PREP: variants seen among roughly 807,000 people sequenced by gnomAD.
PREP encodes the protein dJ355L5.1 (prolyl endopeptidase).
A neutral mutation model predicts 87.6 loss-of-function variants in PREP; 29 were observed. The observed-to-expected ratio is 0.33, with a 90% CI of 0.25 to 0.45. PREP has a LOEUF of 0.45. PREP is among the 20% of genes least tolerant of loss of function. The pLI, the probability that PREP is intolerant of heterozygous loss-of-function variation, is 1.00. For missense variants in PREP, 695 were observed against 886.5 expected (o/e 0.78, Z 2.74); for synonymous variants, 337 against 328.6 (o/e 1.03, Z -0.28).
intron 5 of PREP, among the ~76,000 whole-genome samples, chr6:105,371,957 G>A (rs1218150782): frequency 3.9e-5 from 6 of 152,050 alleles, no homozygotes; most frequent in Non-Finnish European, 7.4e-5. Flanking sequence ...TTGTTTCCCA[G>A]AAGGTGGAAA....
rs1298072176 is a variant in PREP, at chr6:105,328,971, G to A, written c.1071C>T (p.Val357=). ...NFLVLCYLHD[V]KNILQLHDLT... is the part of the protein sequence containing the mutation. ...GGTCATGGAGCTGCAGAATGTTCTT[G>A]ACGTCATGGAGGTAGCATAAGACCA... The change falls in exon 9 of 15, where the codon GTC becomes GTT. Residue 357 remains valine (V), a synonymous_variant. Transcript: ENST00000652536. 3.7e-6 allele frequency: 6 copies of A among 1,614,158 alleles called. No homozygotes were observed. In the South Asian group the frequency reaches 5.5e-5, roughly 15 times the overall value.
intron 4 of PREP, among the ~76,000 whole-genome samples, 157 bp downstream of exon 4, chr6:105,375,968 C>T (rs893662118): frequency 6.6e-6 from 1 of 152,174 alleles, no homozygotes; most frequent in Admixed American, 6.5e-5. Flanking sequence ...TCTAAATATA[C>T]TGTGCAAAAA....
intron 7 of PREP, among the ~76,000 whole-genome samples, chr6:105,334,733 A>G (rs1421705746): frequency 6.6e-6 from 1 of 151,932 alleles, no homozygotes; most frequent in East Asian, 1.9e-4. Context: ...CAACAACAAC[A>G]ACAACAGAGA....
chr6:105,336,756 C>T (rs566682668), intron 7 of PREP, among the ~76,000 whole-genome samples: 7 of 152,256 alleles, frequency 4.6e-5, no homozygotes, highest in Admixed American at 6.5e-5. Context: ...AAATGGTTTG[C>T]CTCAATCTGT....
chr6:105,280,557 G>C (rs2114609661), intron 14 of PREP: 1 of 152,212 alleles, frequency 6.6e-6, no homozygotes, highest in Non-Finnish European at 1.5e-5. Flanking sequence ...AACATATGTA[G>C]CTATATTGAG....
At chr6:105,356,779 C>T (rs1198551341) in intron 6 of PREP, among the ~76,000 whole-genome samples, 2 of 152,194 alleles carry the variant, frequency 1.3e-5, no homozygotes, top group Non-Finnish European at 2.9e-5. Context: ...CTGTGTACAG[C>T]AGGAGGACTA....
intron 2 of PREP, among the ~76,000 whole-genome samples, chr6:105,396,155 T>C (rs530165258): frequency 6.6e-6 from 1 of 152,290 alleles, no homozygotes; most frequent in African/African-American, 2.4e-5. Flanking sequence ...GAAAGAAAAA[T>C]TAAACCCCAA....
At chr6:105,349,189 G>A (rs927434669) in intron 7 of PREP, among the ~76,000 whole-genome samples, 3 of 152,186 alleles carry the variant, frequency 2.0e-5, no homozygotes, top group Non-Finnish European at 4.4e-5. Flanking sequence ...ACTGGGTAAA[G>A]GATGTGATCC....
chr6:105,332,080 G>T (rs7757398), intron 8 of PREP, among the ~76,000 whole-genome samples: 4,254 of 152,202 alleles, frequency 0.028, 216 homozygotes, highest in African/African-American at 0.097. Context: ...GTTGTCTTGG[G>T]TCCTGTCCAA....
At chr6:105,364,050 A>G (rs1772320357) in intron 6 of PREP, among the ~76,000 whole-genome samples, 1 of 152,198 alleles carries the variant, frequency 6.6e-6, no homozygotes, top group South Asian at 2.1e-4. Flanking sequence ...GCAAAACTCC[A>G]GTTTCTCTTG....
chr6:105,295,025 G>A (rs985899900), intron 10 of PREP, among the ~76,000 whole-genome samples: 1 of 152,100 alleles, frequency 6.6e-6, no homozygotes, highest in African/African-American at 2.4e-5. Context: ...TCCGGAAATG[G>A]CAACTTGCTT....
rs538204198 is a variant in PREP at position 105,311,923 on chromosome 6, T to C, written c.1317+11742A>G. On this transcript the variant is annotated intron_variant, in intron 10 of 14. Coordinates refer to ENST00000652536, the MANE Select transcript of PREP (RefSeq NM_002726.5). ...TCTTATTTCTAAGGATTCTGAGCAA[T>C]GGTGTCAAAGCATTTCCAAACACAA... Among the ~76,000 whole-genome samples, 28 of 152,326 alleles carry C rather than the reference T, an allele frequency of 1.8e-4. 1 individual carries two copies. Among genetic ancestry groups the C allele is most frequent in the Middle Eastern group, 3.4e-3 (1 of 294 alleles).
At chr6:105,334,711 T>TAA (rs1321354337) in intron 7 of PREP, among the ~76,000 whole-genome samples, 1 of 103,468 alleles carries the variant, frequency 9.7e-6, no homozygotes, top group Admixed American at 8.6e-5. Flanking sequence ...TGAGACTCTG[T>TAA]CTCAACAACA....
Position 105,352,979 on chromosome 6 carries a change from G to A in PREP, c.816C>T (p.Gly272=). ...TCTGAAAAAATAACTCACCCGCGATGCCACTGGATTCCTGCTGTAGGTCAC... is the reference window on the plus strand; with the variant it reads ...TCTGAAAAAATAACTCACCCGCGATACCACTGGATTCCTGCTGTAGGTCAC... ...WYCDLQQESS[G]IAGILKWVKL... The change falls in exon 7 of 15, where the codon GGC becomes GGT. Residue 272 remains glycine, a synonymous_variant. Coordinates refer to ENST00000652536, the MANE Select transcript of PREP (RefSeq NM_002726.5). The A allele has an allele frequency of 6.2e-7, 1 of 1,611,958 alleles. No individual in the cohort carries two copies. The highest frequency in any genetic ancestry group is 8.5e-7 in the Non-Finnish European group (1 of 1,178,196).
At chr6:105,384,171 C>A (rs1207941044) in intron 2 of PREP, among the ~76,000 whole-genome samples, 1 of 152,110 alleles carries the variant, frequency 6.6e-6, no homozygotes, top group African/African-American at 2.4e-5. Flanking sequence ...CTCCCCCAGA[C>A]CACGGCTGGG....
intron 10 of PREP, among the ~76,000 whole-genome samples, chr6:105,313,733 C>T (rs773343755): frequency 7.9e-5 from 12 of 152,196 alleles, no homozygotes; most frequent in Non-Finnish European, 1.8e-4. Context: ...GCTACAATTT[C>T]CAAAACAGAT....
intron 9 of PREP, among the ~76,000 whole-genome samples, chr6:105,326,304 T>C (rs1771157184): frequency 6.6e-6 from 1 of 152,094 alleles, no homozygotes; most frequent in Admixed American, 6.6e-5. Flanking sequence ...GTTCCACAAG[T>C]ACAGAGTTCA....
At chr6:105,279,234 C>T (rs1265031289) in intron 14 of PREP, among the ~76,000 whole-genome samples, 2 of 152,054 alleles carry the variant, frequency 1.3e-5, no homozygotes, top group Non-Finnish European at 2.9e-5. Context: ...ATAAAATCAC[C>T]TGTTTTAGTA....
chr6:105,340,274 T>C lies in PREP; in HGVS notation c.824-6769A>G, dbSNP rs138067423. Among the ~76,000 whole-genome samples the C allele has an allele frequency of 3.7e-3, 559 of 152,268 alleles. 1 individual carries two copies. The highest frequency in any genetic ancestry group is 0.013 in the African/African-American group (530 of 41,540). Reference sequence around the variant, plus strand: ...AAGAAAACAATTTTCAACCCAGAATTTCATATGCAGCCAAACTAAGCTTCA... The same window carrying C: ...AAGAAAACAATTTTCAACCCAGAATCTCATATGCAGCCAAACTAAGCTTCA... On this transcript the variant is annotated intron_variant, in intron 7 of 14. Transcript: ENST00000652536.
Sources: allele counts gnomAD v4.1 joint callset (sites outside exome capture counted in the v4.1 genomes callset), GRCh38; gene constraint gnomAD v4.1.1; transcripts MANE v1.5; gene names NCBI Gene and HGNC (gene_info 2026-07-23, HGNC 2026-07-21).